Variants in ANK3 observed in about 807,000 individuals in gnomAD.
The protein encoded by ANK3 is ankyrin 3.
ANK3 carries 57 observed loss-of-function variants against 370.9 expected under a neutral mutation model. The ratio of observed to expected loss-of-function variants is 0.15; its 90% CI spans 0.12 to 0.19. The LOEUF (loss-of-function observed/expected upper bound fraction) is 0.19, where lower values mean the gene tolerates loss of function less well. Ranked by LOEUF, ANK3 falls within the 10% of genes least tolerant of loss-of-function variation. The pLI is 1.00. For synonymous variants in ANK3, 1,929 were observed against 1,946.3 expected, an observed-to-expected ratio of 0.99 and a Z score of 0.23; for missense variants, 4,439 against 5,302.1, an observed-to-expected ratio of 0.84 and a Z score of 5.06.
chr10:60,626,487 G>T (rs1459748443), intron 1 of ANK3, among the ~76,000 whole-genome samples: 1 of 152,096 alleles, frequency 6.6e-6, no homozygotes, highest in Admixed American at 6.6e-5. Context: ...TACTACTGTG[G>T]TTTATGCCTA....
intron 2 of ANK3, among the ~76,000 whole-genome samples, chr10:60,597,917 AGTG>A (rs2078010350): frequency 6.6e-6 from 1 of 152,222 alleles, no homozygotes; most frequent in Admixed American, 6.5e-5. Context: ...TATATTCTAA[AGTG>A]GTTCACGAAG....
intron 2 of ANK3, among the ~76,000 whole-genome samples, chr10:60,497,129 C>T (rs574252071): frequency 2.0e-5 from 3 of 151,938 alleles, no homozygotes; most frequent in Non-Finnish European, 2.9e-5. Flanking sequence ...TGGTGAGATG[C>T]TGTCACTATA....
chr10:60,701,892 G>A (rs1266580260), intron 1 of ANK3, among the ~76,000 whole-genome samples: 1 of 152,094 alleles, frequency 6.6e-6, no homozygotes, highest in East Asian at 1.9e-4. Flanking sequence ...AATTAAAGGG[G>A]AAGGAAATAA....
intron 28 of ANK3, among the ~76,000 whole-genome samples, chr10:60,089,190 T>C (rs2132030231): frequency 6.6e-6 from 1 of 152,342 alleles, no homozygotes; most frequent in South Asian, 2.1e-4. Context: ...TGTCCACAAA[T>C]GGATACATCT....
intron 2 of ANK3, among the ~76,000 whole-genome samples, chr10:60,428,956 G>T (rs966625904): frequency 3.3e-5 from 5 of 152,086 alleles, no homozygotes; most frequent in Non-Finnish European, 7.4e-5. Context: ...CAGGAATAAG[G>T]GCTGCTTATT....
Position 60,073,491 on chromosome 10 carries a change from C to T in ANK3, c.7390G>A (p.Ala2464Thr). ...TTTTCTGACAGAAGCATTTTCTCAGCAAACCTGTAAGACTCCCCTCTTAGT... is the reference window on the plus strand; with the variant it reads ...TTTTCTGACAGAAGCATTTTCTCAGTAAACCTGTAAGACTCCCCTCTTAGT... The part of the protein sequence containing the change: ...SELRGESYRF[A>T]EKMLLSEKLD... The change falls in exon 37 of 44, where the codon GCT becomes ACT. Residue 2464 changes from alanine to threonine, a missense_variant. Transcript: ENST00000280772. 9 of 1,614,040 alleles carry T rather than the reference C, an allele frequency of 5.6e-6. No individual in the cohort carries two copies. Among genetic ancestry groups the T allele is most frequent in the Non-Finnish European group, 7.6e-6 (9 of 1,179,994 alleles).
intron 2 of ANK3, among the ~76,000 whole-genome samples, chr10:60,396,684 T>C (rs541649430): frequency 6.6e-6 from 1 of 152,332 alleles, no homozygotes; most frequent in South Asian, 2.1e-4. Context: ...GATAATTCAA[T>C]AAACTCTCGT....
At chr10:60,599,233 T>C (rs576325404) in intron 2 of ANK3, among the ~76,000 whole-genome samples, 14 of 152,200 alleles carry the variant, frequency 9.2e-5, no homozygotes, top group African/African-American at 3.1e-4. Flanking sequence ...GCCCAGCCTG[T>C]GTTTGGTAGT....
At chr10:60,496,095 A>C (rs1401744362) in intron 2 of ANK3, among the ~76,000 whole-genome samples, 1 of 152,046 alleles carries the variant, frequency 6.6e-6, no homozygotes, top group East Asian at 1.9e-4. Flanking sequence ...ATATGGAATG[A>C]GTAAATTCAA....
chr10:60,278,948 T>G, intron 3 of ANK3, 76 bp from the exon 4 acceptor site: 1 of 1,570,186 alleles, frequency 6.4e-7, no homozygotes. Flanking sequence ...AGAACAAATT[T>G]GACAAATATC....
intron 42 of ANK3, among the ~76,000 whole-genome samples, chr10:60,052,466 T>C (rs185419509): frequency 1.3e-5 from 2 of 152,342 alleles, no homozygotes; most frequent in African/African-American, 4.8e-5. Context: ...AAGGAATAAA[T>C]GTATGAAAGC....
rs760112073 is a variant in ANK3, at chr10:60,139,023, A to G, written c.2679T>C (p.Gly893=). ...YLGPQDLKEL[G]DDSLPAEGYM... is the part of the protein sequence containing the mutation. ...AACCCTCTGCAGGCAGGGAATCATC[A>G]CCCAATTCCTTAAGGTCCTGTGGCC... The change falls in exon 24 of 44, where the codon GGT becomes GGC. Residue 893 remains glycine (G), a synonymous_variant. Transcript: ENST00000280772. The G allele has an allele frequency of 1.2e-6, 2 of 1,613,784 alleles. No homozygotes were observed. The highest frequency in any genetic ancestry group is 1.7e-6 in the Non-Finnish European group (2 of 1,179,840).
At chr10:60,634,981 A>G (rs1475559645) in intron 1 of ANK3, among the ~76,000 whole-genome samples, 2 of 152,166 alleles carry the variant, frequency 1.3e-5, no homozygotes, top group Admixed American at 6.5e-5. Context: ...AACACTCACC[A>G]CAAGGGTCCG....
At chr10:60,465,995 A>C (rs145087976) in intron 2 of ANK3, among the ~76,000 whole-genome samples, 21 of 152,186 alleles carry the variant, frequency 1.4e-4, no homozygotes, top group Non-Finnish European at 2.9e-4. Context: ...AATGATTCAC[A>C]GTTAGTTGGA....
In ANK3 at chr10:60,027,794, T is replaced by G. The variant is rs1362430135; in HGVS notation, c.*2052A>C. 6.6e-6 allele frequency: 1 copy of G among 152,164 alleles called. No individual in the cohort carries two copies. The highest frequency in any genetic ancestry group is 1.9e-4 in the East Asian group (1 of 5,182). 9.4% of individuals were successfully genotyped at this position (152,164 alleles called of 1,614,324 possible). ...GTCTCTGCCTCAGTAGAATTTAGAT[T>G]CACGCAGTGTATGGGTTGCAAATTC... On this transcript the variant is annotated 3_prime_UTR_variant, in exon 44 of 44. Transcript: ENST00000280772.
At chr10:60,285,673 T>C (rs1314574710) in intron 1 of ANK3, among the ~76,000 whole-genome samples, 1 of 152,106 alleles carries the variant, frequency 6.6e-6, no homozygotes, top group African/African-American at 2.4e-5. Flanking sequence ...GCTCCCACTA[T>C]TCTCTCTAAG....
At chr10:60,581,671 A>G (rs527433912) in intron 2 of ANK3, among the ~76,000 whole-genome samples, 2 of 151,528 alleles carry the variant, frequency 1.3e-5, no homozygotes, top group East Asian at 1.9e-4. Flanking sequence ...AACTCCTGAC[A>G]TCGTGATCCA....
chr10:60,719,047 C>A (rs1262753807), intron 1 of ANK3, among the ~76,000 whole-genome samples: 1 of 152,140 alleles, frequency 6.6e-6, no homozygotes, highest in Admixed American at 6.5e-5. Flanking sequence ...CAACCAAATC[C>A]TTGAACGGCC....
chr10:60,542,195 C>G (rs2076864118), intron 2 of ANK3, among the ~76,000 whole-genome samples: 1 of 151,592 alleles, frequency 6.6e-6, no homozygotes, highest in Non-Finnish European at 1.5e-5. Flanking sequence ...TTTGATGGTA[C>G]TTCCAAAAAA....
Sources: gnomAD v4.1 joint callset for allele counts (sites outside exome capture counted in the v4.1 genomes callset) on GRCh38, gnomAD v4.1.1 for gene constraint, MANE v1.5 for transcripts, NCBI Gene and HGNC (gene_info 2026-07-23, HGNC 2026-07-21) for gene names.